The following IL1RL2 variants were observed in gnomAD, a reference collection of about 807,000 sequenced individuals.
The protein encoded by IL1RL2 is interleukin 1 receptor like 2, also known as interleukin-1 receptor-like 2.
A neutral mutation model predicts 66.8 loss-of-function variants in IL1RL2; 68 were observed. The ratio of observed to expected loss-of-function variants is 1.02; its 90% confidence interval spans 0.84 to 1.25. The LOEUF (loss-of-function observed/expected upper bound fraction) is 1.25. Ranked by LOEUF, IL1RL2 falls within the 50% of genes most tolerant of loss-of-function variation. IL1RL2 has a pLI of 0.00. For synonymous variants in IL1RL2, 305 were observed against 264.6 expected, an observed-to-expected ratio of 1.15 and a Z score of -1.48; for missense variants, 729 against 709.3, an observed-to-expected ratio of 1.03 and a Z score of -0.32.
intron 4 of IL1RL2, among the ~76,000 whole-genome samples, chr2:102,200,028 G>A (rs187885230): frequency 1.3e-3 from 195 of 149,674 alleles, no homozygotes; most frequent in African/African-American, 4.7e-3. Context: ...GTGGTGGCAC[G>A]TACCTGTAGT....
chr2:102,199,289 G>T (rs1688038365), intron 4 of IL1RL2, among the ~76,000 whole-genome samples: 1 of 152,170 alleles, frequency 6.6e-6, no homozygotes, highest in Non-Finnish European at 1.5e-5. Context: ...AAATCTGATT[G>T]TCTTATTCTC....
intron 6 of IL1RL2, among the ~76,000 whole-genome samples, chr2:102,212,415 T>A (rs765597569): frequency 6.6e-6 from 1 of 152,180 alleles, no homozygotes; most frequent in African/African-American, 2.4e-5. Flanking sequence ...CCAAAATGAT[T>A]ATTATAAATC....
intron 9 of IL1RL2, among the ~76,000 whole-genome samples, chr2:102,228,661 G>C (rs1690849598): frequency 6.9e-6 from 1 of 144,886 alleles, no homozygotes; most frequent in African/African-American, 2.6e-5. Context: ...ACGAAGACAA[G>C]CCAAACAGTT....
Position 102,232,971 on chromosome 2 carries a change from C to A in IL1RL2, c.1144C>A (p.Leu382Met), listed in dbSNP as rs758359385. The A allele has an allele frequency of 6.2e-7, 1 of 1,607,686 alleles. No individual in the cohort carries two copies. Among genetic ancestry groups the A allele is most frequent in the South Asian group, 1.1e-5 (1 of 90,468 alleles). The change falls in exon 10 of 12, where the codon CTG (leucine) becomes ATG (methionine). Residue 382 changes from leucine to methionine, a missense_variant. By Grantham distance (15) the Leu-to-Met change is conservative. Transcript: ENST00000264257. ...GTCCAATTCCTTTTCAGATGGGAAGCTGTATGACGCCTATGTCTTATACCC... is the reference window on the plus strand; with the variant it reads ...GTCCAATTCCTTTTCAGATGGGAAGATGTATGACGCCTATGTCTTATACCC... Reference protein sequence around the residue: ...HSTETIVDGKLYDAYVLYPKP... With the variant: ...HSTETIVDGKMYDAYVLYPKP...
chr2:102,235,888 G>A (rs983021193), intron 11 of IL1RL2: 3 of 985,290 alleles, frequency 3.0e-6, no homozygotes, highest in East Asian at 1.1e-4. Context: ...GGGGACCCAC[G>A]GGAGTGGCCA....
intron 7 of IL1RL2, 151 bp downstream of exon 7, chr2:102,219,233 G>C (rs1197608580): frequency 2.9e-5 from 26 of 882,514 alleles, no homozygotes; most frequent in Non-Finnish European, 4.0e-5. Context: ...GGGAGATATG[G>C]TAAAAGACCA....
At chr2:102,219,850 T>G in intron 7 of IL1RL2, 31 bp from the exon 8 acceptor site, 1 of 1,575,632 alleles carries the variant, frequency 6.3e-7, no homozygotes, top group African/African-American at 1.3e-5. Context: ...ATCTGACTCA[T>G]GTATTAATGA....
At chr2:102,240,361 CTTTTTTT>C (rs551743835), downstream of IL1RL2, among the ~76,000 whole-genome samples, 2 of 79,772 alleles carry the variant, frequency 2.5e-5, no homozygotes, top group Non-Finnish European at 4.6e-5. Context: ...TCTTCTCCTC[CTTTTTTT>C]TTTTTTTTTT....
chr2:102,199,907 C>T (rs1688096682), intron 4 of IL1RL2, among the ~76,000 whole-genome samples: 2 of 152,036 alleles, frequency 1.3e-5, no homozygotes, highest in Admixed American at 1.3e-4. Flanking sequence ...GCCTGTAATC[C>T]TAGCACTTTG....
chr2:102,200,118 A>C (rs1402187991), intron 4 of IL1RL2, among the ~76,000 whole-genome samples: 1 of 4,326 alleles, frequency 2.3e-4, no homozygotes, highest in Admixed American at 2.3e-3. Flanking sequence ...CTGTTCCAGC[A>C]AAAAAAAAAA....
chr2:102,194,559 CT>C (rs55789710), intron 4 of IL1RL2, among the ~76,000 whole-genome samples: 39,631 of 152,066 alleles, frequency 0.26, 6,234 homozygotes, highest in East Asian at 0.38. Context: ...ATTTATGCCC[CT>C]ATACCTGACA....
In IL1RL2 at chr2:102,197,575, C is replaced by G. The variant is rs540129824; in HGVS notation, c.490-3981C>G. 3.3e-5 allele frequency among the ~76,000 whole-genome samples: 5 copies of G among 152,284 alleles called. No individual in the cohort carries two copies. The East Asian group carries it at 9.6e-4, about 29-fold the overall frequency. On this transcript the variant is annotated intron_variant, in intron 4 of 11. Transcript: ENST00000264257. ...ACACAGGAACAAAATGACCATACCA[C>G]CTTACATTTTGCTGAGTCACCTACT...
intron 4 of IL1RL2, among the ~76,000 whole-genome samples, chr2:102,193,458 C>T (rs1050787957): frequency 6.6e-6 from 1 of 152,164 alleles, no homozygotes; most frequent in African/African-American, 2.4e-5. Flanking sequence ...GGCTGGAGTG[C>T]AGTGGTGTGA....
At chr2:102,206,101 T>C (rs1048992936) in intron 5 of IL1RL2, among the ~76,000 whole-genome samples, 2 of 152,146 alleles carry the variant, frequency 1.3e-5, no homozygotes, top group African/African-American at 4.8e-5. Context: ...AAATCTTATT[T>C]CAATCTCCTT....
At chr2:102,230,668 G>T (rs1305003045) in intron 9 of IL1RL2, among the ~76,000 whole-genome samples, 1 of 152,190 alleles carries the variant, frequency 6.6e-6, no homozygotes, top group African/African-American at 2.4e-5. Context: ...ATGATGGGGT[G>T]GGGAGGCAGA....
At chr2:102,232,502 T>C (rs1013719485) in intron 9 of IL1RL2, among the ~76,000 whole-genome samples, 15 of 152,170 alleles carry the variant, frequency 9.9e-5, no homozygotes, top group Admixed American at 5.9e-4. Flanking sequence ...TTTTTGAAAA[T>C]TATTTTCTTT....
rs770784668 is a variant in IL1RL2 at position 102,235,057 on chromosome 2, T to G, written c.1458T>G (p.Ile486Met). The change falls in exon 11 of 12, where the codon ATT becomes ATG. Residue 486 changes from isoleucine (I) to methionine (M), a missense_variant. Coordinates refer to ENST00000264257, the MANE Select transcript of IL1RL2 (RefSeq NM_003854.4). Reference protein sequence around the residue: ...LIQDGMKVILIELEKIEDYTV... With the variant: ...LIQDGMKVILMELEKIEDYTV... Reference sequence around the variant, plus strand: ...AGGACGGGATGAAGGTTATTCTCATTGAGCTGGAGAAAATCGAGGACTACA... The same window carrying G: ...AGGACGGGATGAAGGTTATTCTCATGGAGCTGGAGAAAATCGAGGACTACA... 1 of 1,614,164 alleles carries G rather than the reference T, an allele frequency of 6.2e-7. No homozygotes were observed. The highest frequency in any genetic ancestry group is 2.2e-5 in the East Asian group (1 of 44,874).
Position 102,189,056 on chromosome 2 carries a change from T to G in IL1RL2, c.59-20T>G, listed in dbSNP as rs1686986802. The G allele has an allele frequency of 6.4e-7, 1 of 1,568,528 alleles. No homozygotes were observed. Among genetic ancestry groups the G allele is most frequent in the Non-Finnish European group, 8.7e-7 (1 of 1,143,704 alleles). ...TTTTCTTTCATGGATAATTGTTTTG[T>G]TTTGTTTTTCTTTCCCTAGATGGAT... On this transcript the variant is annotated intron_variant, in intron 2 of 11. Transcript: ENST00000264257.
intron 8 of IL1RL2, among the ~76,000 whole-genome samples, chr2:102,224,438 G>A (rs993191472): frequency 2.0e-5 from 3 of 152,110 alleles, no homozygotes; most frequent in African/African-American, 7.2e-5. Context: ...GGAACTGGAG[G>A]CCATTATGTT....
Sources: gnomAD v4.1 joint callset for allele counts (sites outside exome capture counted in the v4.1 genomes callset) on GRCh38, gnomAD v4.1.1 for gene constraint, MANE v1.5 for transcripts, NCBI Gene and HGNC (gene_info 2026-07-23, HGNC 2026-07-21) for gene names.